The following ZNF804B variants were observed in gnomAD, a reference collection of about 807,000 sequenced individuals.
The protein encoded by ZNF804B is zinc finger protein 804B.
ZNF804B carries 80 observed loss-of-function variants against 101.4 expected under a neutral mutation model. That is an observed-to-expected ratio of 0.79 (90% CI 0.66 to 0.95). The LOEUF (loss-of-function observed/expected upper bound fraction) is 0.95, where lower values mean the gene tolerates loss of function less well. Ranked by LOEUF, ZNF804B falls within the 40% of genes least tolerant of loss-of-function variation. The probability of loss-of-function intolerance (pLI) is 0.00; values close to 1 mark genes in which losing one functional copy is unlikely to be tolerated. For synonymous variants in ZNF804B, 622 were observed against 558.8 expected, an observed-to-expected ratio of 1.11 and a Z score of -1.59; for missense variants, 1,673 against 1,561.9, an observed-to-expected ratio of 1.07 and a Z score of -1.20.
At chr7:88,934,056 G>A (rs1203424080) in intron 1 of ZNF804B, among the ~76,000 whole-genome samples, 2 of 151,932 alleles carry the variant, frequency 1.3e-5, no homozygotes, top group East Asian at 1.9e-4. Context: ...ACATGGTACT[G>A]GTATAAAAAT....
intron 2 of ZNF804B, among the ~76,000 whole-genome samples, chr7:89,235,013 C>G (rs908873835): frequency 1.3e-5 from 2 of 152,150 alleles, no homozygotes; most frequent in Non-Finnish European, 2.9e-5. Flanking sequence ...ATTACACCAT[C>G]ATAAACTCTC....
intron 1 of ZNF804B, among the ~76,000 whole-genome samples, chr7:88,921,159 T>A (rs1343200083): frequency 6.6e-6 from 1 of 152,008 alleles, no homozygotes; most frequent in Admixed American, 6.6e-5. Flanking sequence ...GATGGTGGAA[T>A]TGTGAAAAAA....
At chr7:89,206,609 A>T (rs571182414) in intron 1 of ZNF804B, among the ~76,000 whole-genome samples, 1 of 152,108 alleles carries the variant, frequency 6.6e-6, no homozygotes, top group South Asian at 2.1e-4. Context: ...AAAATTAGTC[A>T]GGCATGGTGG....
chr7:89,216,999 C>A lies in ZNF804B; in HGVS notation c.109-1156C>A, dbSNP rs1033815078. Among the ~76,000 whole-genome samples, 60 of 152,208 alleles carry A rather than the reference C, an allele frequency of 3.9e-4. 1 individual carries two copies. Among genetic ancestry groups the A allele is most frequent in the Non-Finnish European group, 1.3e-4 (9 of 68,012 alleles). ...ATGGTATGAGGCATAAATATATAAACCATGATTATCCATTAATTTGCGTAG... is the reference window on the plus strand; with the variant it reads ...ATGGTATGAGGCATAAATATATAAAACATGATTATCCATTAATTTGCGTAG... On this transcript the variant is annotated intron_variant, in intron 1 of 3. Coordinates refer to ENST00000333190, the MANE Select transcript of ZNF804B (RefSeq NM_181646.5).
At chr7:89,278,746 T>A (rs2115861420) in intron 2 of ZNF804B, among the ~76,000 whole-genome samples, 2 of 150,214 alleles carry the variant, frequency 1.3e-5, no homozygotes, top group Admixed American at 1.3e-4. Flanking sequence ...CTGTTTTGGT[T>A]ACTGTAGCCT....
Position 89,097,381 on chromosome 7 carries a change from A to G in ZNF804B, c.109-120774A>G, listed in dbSNP as rs1050777428. Among the ~76,000 whole-genome samples the G allele has an allele frequency of 2.0e-5, 3 of 152,228 alleles. No individual in the cohort carries two copies. In the East Asian group the frequency reaches 5.8e-4, roughly 29 times the overall value. On this transcript the variant is annotated intron_variant, in intron 1 of 3. Coordinates refer to ENST00000333190, the MANE Select transcript of ZNF804B (RefSeq NM_181646.5). ...TTGAAATAAAATTTTTGAGTCTGCAAATTAAGCTGGAATTGAAATCAGAGA... is the reference window on the plus strand; with the variant it reads ...TTGAAATAAAATTTTTGAGTCTGCAGATTAAGCTGGAATTGAAATCAGAGA...
At chr7:88,776,203 T>C (rs1437948566) in intron 1 of ZNF804B, among the ~76,000 whole-genome samples, 1 of 152,246 alleles carries the variant, frequency 6.6e-6, no homozygotes, top group Admixed American at 6.5e-5. Context: ...AAGGAGCTGA[T>C]GATTACTTTG....
chr7:89,027,091 TA>T (rs981706688), intron 1 of ZNF804B, among the ~76,000 whole-genome samples: 5 of 151,932 alleles, frequency 3.3e-5, no homozygotes, highest in Admixed American at 3.3e-4. Flanking sequence ...AAAGTGATTA[TA>T]AAAAACCCAT....
intron 1 of ZNF804B, among the ~76,000 whole-genome samples, chr7:89,160,836 G>A (rs536811865): frequency 4.2e-4 from 64 of 152,088 alleles, no homozygotes; most frequent in African/African-American, 9.4e-4. Context: ...AACATTCTGC[G>A]TCATTATTCC....
At chr7:88,767,256 G>A (rs1789999257) in intron 1 of ZNF804B, among the ~76,000 whole-genome samples, 1 of 152,092 alleles carries the variant, frequency 6.6e-6, no homozygotes, top group South Asian at 2.1e-4. Flanking sequence ...TTCATCTTTA[G>A]TTCAGAATTT....
At chr7:89,231,699 A>C (rs189305221) in intron 2 of ZNF804B, among the ~76,000 whole-genome samples, 1 of 151,910 alleles carries the variant, frequency 6.6e-6, no homozygotes. Flanking sequence ...ATGCTATTTG[A>C]AAGGGAATTT....
At chr7:89,099,689 G>C (rs1790025795) in intron 1 of ZNF804B, among the ~76,000 whole-genome samples, 1 of 152,134 alleles carries the variant, frequency 6.6e-6, no homozygotes, top group South Asian at 2.1e-4. Context: ...TCTCAGTAAC[G>C]GTTGTGTTGG....
intron 1 of ZNF804B, among the ~76,000 whole-genome samples, chr7:88,782,837 GGGTGAGT>G (rs1420721590): frequency 6.6e-6 from 1 of 152,070 alleles, no homozygotes; most frequent in Non-Finnish European, 1.5e-5. Context: ...CAGCAAGCAT[GGGTGAGT>G]GGTCTTCCTA....
chr7:89,044,313 G>A (rs1443278705), intron 1 of ZNF804B, among the ~76,000 whole-genome samples: 1 of 152,192 alleles, frequency 6.6e-6, no homozygotes, highest in Non-Finnish European at 1.5e-5. Flanking sequence ...CTGTGGAACA[G>A]TGAGTCAATT....
chr7:88,836,724 C>T (rs913859386), intron 1 of ZNF804B, among the ~76,000 whole-genome samples: 2 of 151,870 alleles, frequency 1.3e-5, no homozygotes, highest in African/African-American at 2.4e-5. Context: ...CTCTCTCTCT[C>T]TCTATGCAAT....
chr7:88,993,811 A>G (rs1793882525), intron 1 of ZNF804B, among the ~76,000 whole-genome samples: 1 of 151,986 alleles, frequency 6.6e-6, no homozygotes, highest in South Asian at 2.1e-4. Flanking sequence ...TATTTGATTT[A>G]TTCTTATTAT....
At chr7:88,895,347 T>G (rs1204624069) in intron 1 of ZNF804B, among the ~76,000 whole-genome samples, 1 of 152,220 alleles carries the variant, frequency 6.6e-6, no homozygotes, top group Non-Finnish European at 1.5e-5. Flanking sequence ...GGAGGAAGGC[T>G]AGAATAAACC....
chr7:89,126,129 G>C (rs1430043533), intron 1 of ZNF804B, among the ~76,000 whole-genome samples: 1 of 148,760 alleles, frequency 6.7e-6, no homozygotes, highest in Non-Finnish European at 1.5e-5. Context: ...AAATGTTAAT[G>C]GATTTTTTTT....
At chr7:88,882,196 A>G (rs1792052324) in intron 1 of ZNF804B, among the ~76,000 whole-genome samples, 1 of 152,156 alleles carries the variant, frequency 6.6e-6, no homozygotes, top group Non-Finnish European at 1.5e-5. Flanking sequence ...TTCTTCATTA[A>G]AACATGTATG....
Sources: allele counts gnomAD v4.1 joint callset (sites outside exome capture counted in the v4.1 genomes callset), GRCh38; gene constraint gnomAD v4.1.1; transcripts MANE v1.5; gene names NCBI Gene and HGNC (gene_info 2026-07-23, HGNC 2026-07-21).